IMPA2: variants seen among roughly 807,000 people sequenced by gnomAD.
The protein encoded by IMPA2 is IMP 2.
IMPA2 carries 32 observed loss-of-function variants against 35.1 expected under a neutral mutation model. That is an observed-to-expected ratio of 0.91 (90% confidence interval 0.69 to 1.23). The LOEUF is 1.23. Ranked by LOEUF, IMPA2 falls within the 50% of genes most tolerant of loss-of-function variation. The pLI is 0.00. For missense variants in IMPA2, 334 were observed against 387.6 expected (o/e 0.86, Z 1.16); for synonymous variants, 135 against 160.6 (o/e 0.84, Z 1.20).
chr18:12,017,832 G>A, intron 5 of IMPA2: 2 of 337,304 alleles, frequency 5.9e-6, no homozygotes, highest in South Asian at 4.4e-5. Flanking sequence ...CCTCAAGTGA[G>A]CCTTTTGCCT....
At chr18:12,007,172 C>A (rs905537631) in intron 2 of IMPA2, among the ~76,000 whole-genome samples, 2 of 152,128 alleles carry the variant, frequency 1.3e-5, no homozygotes, top group African/African-American at 2.4e-5. Flanking sequence ...CCTGCTGTTG[C>A]CTCTCAGCAT....
In IMPA2 at chr18:11,993,219, A is replaced by G. The variant is rs189972638; in HGVS notation, c.97-5835A>G. Among the ~76,000 whole-genome samples, 13 of 152,348 alleles carry G rather than the reference A, an allele frequency of 8.5e-5. No individual in the cohort carries two copies. The East Asian group carries it at 2.5e-3, about 29-fold the overall frequency. On this transcript the variant is annotated intron_variant, in intron 1 of 7. Transcript: ENST00000269159. ...GGAAATGAAGGCCATGAGAACCCAT[A>G]TAGAATTTGAATTTAGAGCTGTCTG...
At position 12,009,914 on chromosome 18, in the gene IMPA2, G is replaced by A. The variant is rs16976948; in HGVS notation, c.262G>A (p.Ala88Thr). 3.3e-3 allele frequency: 5,280 copies of A among 1,614,102 alleles called. 148 individuals carry two copies. In the African/African-American group the frequency reaches 0.061, roughly 19 times the overall value. The stretch of plus-strand genomic sequence containing the variant: ...TGCAGAAGAGGCCGCGGCTTCTGGG[G>A]CCAAGTGTGTGCTCACCCACAGCCC... ...FIAEEAAASG[A>T]KCVLTHSPTW... Residue 88 changes from alanine (A) to threonine (T), a missense_variant, in exon 3 of 8, where the codon GCC (alanine) becomes ACC (threonine). Ala to Thr is a moderately conservative substitution (Grantham distance 58). Coordinates refer to ENST00000269159, the MANE Select transcript of IMPA2 (RefSeq NM_014214.3).
chr18:12,030,445 A>T lies in IMPA2; in HGVS notation c.854A>T (p.Asp285Val). ...TTACAGACGATTAACTATGGGCGGG[A>T]TGATGAGAAGTGACTGCGGCTGAGG... ...QALQTINYGR[D>V]DEK Residue 285 changes from aspartate to valine, a missense_variant, in exon 8 of 8, where the codon GAT (aspartate) becomes GTT (valine). By Grantham distance (152) the Asp-to-Val change is radical. Coordinates refer to ENST00000269159, the MANE Select transcript of IMPA2 (RefSeq NM_014214.3). 1 of 1,613,994 alleles carries T rather than the reference A, an allele frequency of 6.2e-7. No homozygotes were observed. The highest frequency in any genetic ancestry group is 1.1e-5 in the South Asian group (1 of 91,082).
At chr18:11,995,980 G>C (rs1053458904) in intron 1 of IMPA2, among the ~76,000 whole-genome samples, 1 of 152,142 alleles carries the variant, frequency 6.6e-6, no homozygotes, top group African/African-American at 2.4e-5. Flanking sequence ...GCCCTCAGAA[G>C]CCTCTGCCTA....
At chr18:11,990,828 T>C (rs1906792062) in intron 1 of IMPA2, among the ~76,000 whole-genome samples, 1 of 152,222 alleles carries the variant, frequency 6.6e-6, no homozygotes, top group African/African-American at 2.4e-5. Context: ...ACCCCTTCCC[T>C]ATACCTTACA....
chr18:12,007,215 G>A (rs1422152765), intron 2 of IMPA2, among the ~76,000 whole-genome samples: 1 of 152,194 alleles, frequency 6.6e-6, no homozygotes, highest in Non-Finnish European at 1.5e-5. Flanking sequence ...CAGCGGCTCT[G>A]TCTGTTGCTG....
intron 1 of IMPA2, among the ~76,000 whole-genome samples, chr18:11,987,886 G>T (rs1446738123): frequency 2.6e-5 from 4 of 151,998 alleles, no homozygotes; most frequent in African/African-American, 9.7e-5. Context: ...ACAACATGTG[G>T]TATGGTCTGT....
chr18:12,030,265 T>G, intron 7 of IMPA2, 78 bp from the exon 8 acceptor site: 1 of 1,027,796 alleles, frequency 9.7e-7, no homozygotes, highest in Non-Finnish European at 1.5e-6. Context: ...GCTGTGTGCA[T>G]GTGGGATAAG....
chr18:11,984,394 G>C (rs1906595864), intron 1 of IMPA2, among the ~76,000 whole-genome samples: 1 of 152,236 alleles, frequency 6.6e-6, no homozygotes, highest in Non-Finnish European at 1.5e-5. Flanking sequence ...AAGTACAGAT[G>C]ACAGTATTCA....
intron 1 of IMPA2, among the ~76,000 whole-genome samples, chr18:11,986,030 G>C (rs1004738312): frequency 6.6e-6 from 1 of 152,168 alleles, no homozygotes; most frequent in African/African-American, 2.4e-5. Flanking sequence ...AGGCAAGTGG[G>C]GGCCTTGATG....
chr18:11,997,553 G>A (rs1440776699), intron 1 of IMPA2, among the ~76,000 whole-genome samples: 2 of 152,210 alleles, frequency 1.3e-5, no homozygotes, highest in African/African-American at 2.4e-5. Flanking sequence ...GCTCTGGGAT[G>A]TAGGCAGTGA....
Position 12,030,423 on chromosome 18 carries a change from C to A in IMPA2, c.832C>A (p.Gln278Lys). 2 of 1,614,224 alleles carry A rather than the reference C, an allele frequency of 1.2e-6. No individual in the cohort carries two copies. The highest frequency in any genetic ancestry group is 1.3e-5 in the African/African-American group (1 of 75,056). ...EMAMLIAQAL[Q>K]TINYGRDDEK ...GGCGATGCTCATAGCTCAGGCCTTA[C>A]AGACGATTAACTATGGGCGGGATGA... Residue 278 changes from glutamine to lysine, a missense_variant, in exon 8 of 8, where the codon CAG becomes AAG. Coordinates refer to ENST00000269159, the MANE Select transcript of IMPA2 (RefSeq NM_014214.3).
intron 7 of IMPA2, 112 bp downstream of exon 7, chr18:12,029,105 TCTG>T (rs149148423): frequency 9.1e-6 from 7 of 767,422 alleles, no homozygotes; most frequent in Non-Finnish European, 1.3e-5. Flanking sequence ...CCCCAGAGTT[TCTG>T]TTTTTTTTTT....
intron 5 of IMPA2, among the ~76,000 whole-genome samples, chr18:12,025,407 G>T (rs915981723): frequency 6.6e-6 from 1 of 152,206 alleles, no homozygotes; most frequent in South Asian, 2.1e-4. Flanking sequence ...ATTGCTGGAC[G>T]GTATGGTAAG....
Position 11,981,593 on chromosome 18 carries a change from G to C in IMPA2, c.-77G>C. ...AGGCACAGGGAGTGTGGAGCCTGGC[G>C]GCGGGACGGCGGGATCCGGTGGGAG... On this transcript the variant is annotated 5_prime_UTR_variant, in exon 1 of 8. Transcript: ENST00000269159. 4 of 985,926 alleles carry C rather than the reference G, an allele frequency of 4.1e-6. No homozygotes were observed. The highest frequency in any genetic ancestry group is 5.2e-6 in the Non-Finnish European group (4 of 764,966). The allele number at this position is 985,926 out of a possible 1,614,324, so 61.1% of individuals were successfully genotyped here. A position where few individuals can be genotyped will look rare whatever the true frequency, so the allele number is the denominator to read the frequency against.
chr18:11,982,888 C>CT (rs1568024192), intron 1 of IMPA2, among the ~76,000 whole-genome samples: 1 of 151,132 alleles, frequency 6.6e-6, no homozygotes, highest in African/African-American at 2.4e-5. Flanking sequence ...CATTTGTTTT[C>CT]TTTTTTGAGG....
intron 2 of IMPA2, among the ~76,000 whole-genome samples, chr18:12,004,468 C>T (rs948672350): frequency 1.3e-5 from 2 of 151,654 alleles, no homozygotes; most frequent in African/African-American, 4.8e-5. Context: ...ATTGGATAGA[C>T]GTATGGAATG....
chr18:11,982,203 T>A (rs1906522711), intron 1 of IMPA2, among the ~76,000 whole-genome samples: 1 of 152,102 alleles, frequency 6.6e-6, no homozygotes, highest in Admixed American at 6.5e-5. Flanking sequence ...AACCCAAACT[T>A]ACTCTGACCC....
Sources: allele counts gnomAD v4.1 joint callset (sites outside exome capture counted in the v4.1 genomes callset), GRCh38; gene constraint gnomAD v4.1.1; transcripts MANE v1.5; gene names NCBI Gene and HGNC (gene_info 2026-07-23, HGNC 2026-07-21).